The following NAV2 variants were observed in gnomAD, a reference collection of about 807,000 sequenced individuals.
NAV2 encodes helicase, APC down-regulated 1.
Under a neutral mutation model 223.2 loss-of-function variants are expected in NAV2, and 54 were observed. That is an observed-to-expected ratio of 0.24 (90% CI 0.19 to 0.30). NAV2 has a LOEUF of 0.30. Ranked by LOEUF, NAV2 falls within the 10% of genes least tolerant of loss-of-function variation. The pLI is 1.00. For missense variants in NAV2, 2,806 were observed against 3,147.5 expected (o/e 0.89, Z 2.60); for synonymous variants, 1,279 against 1,239.3 (o/e 1.03, Z -0.67).
intron 1 of NAV2, among the ~76,000 whole-genome samples, chr11:19,809,170 AG>A (rs2058731301): frequency 6.6e-6 from 1 of 152,216 alleles, no homozygotes; most frequent in Non-Finnish European, 1.5e-5. Context: ...TGAGTATTCT[AG>A]GAAATTCATG....
chr11:19,809,999 T>C (rs531250889), intron 1 of NAV2, among the ~76,000 whole-genome samples: 5 of 152,310 alleles, frequency 3.3e-5, no homozygotes, highest in Admixed American at 2.6e-4. Flanking sequence ...AGTTACTCTT[T>C]CCCTTTTTTC....
chr11:19,976,815 A>C (rs747917726), intron 10 of NAV2, among the ~76,000 whole-genome samples: 16 of 152,170 alleles, frequency 1.1e-4, no homozygotes, highest in Admixed American at 3.3e-4. Context: ...GCCATTGAAG[A>C]AACTTTGCAG....
intron 1 of NAV2, among the ~76,000 whole-genome samples, chr11:19,620,253 G>T (rs1260537594): frequency 1.3e-5 from 2 of 151,982 alleles, no homozygotes; most frequent in Non-Finnish European, 2.9e-5. Context: ...GCTCTTTTTT[G>T]GTTCCATATG....
chr11:19,714,614 G>A, intron 1 of NAV2: 1 of 375,938 alleles, frequency 2.7e-6, no homozygotes. Context: ...CGGTGGGGGT[G>A]GGGGTGGAGG....
At chr11:19,889,469 G>A (rs2041304437) in intron 5 of NAV2, among the ~76,000 whole-genome samples, 1 of 151,804 alleles carries the variant, frequency 6.6e-6, no homozygotes, top group Admixed American at 6.6e-5. Flanking sequence ...GTGTAGAGGC[G>A]ATAGTGGTCA....
At chr11:19,530,053 G>A (rs533138734) in intron 1 of NAV2, among the ~76,000 whole-genome samples, 7 of 152,232 alleles carry the variant, frequency 4.6e-5, no homozygotes, top group Non-Finnish European at 1.0e-4. Context: ...AAAGCACACT[G>A]GTGGCAGCTG....
chr11:19,938,402 A>T (rs573518507), intron 7 of NAV2, among the ~76,000 whole-genome samples: 28 of 152,318 alleles, frequency 1.8e-4, no homozygotes, highest in African/African-American at 6.5e-4. Flanking sequence ...AGAGGGAGCC[A>T]CGCCTCTTTA....
chr11:20,090,424 G>T (rs1470844241), intron 26 of NAV2, among the ~76,000 whole-genome samples: 1 of 151,856 alleles, frequency 6.6e-6, no homozygotes, highest in Non-Finnish European at 1.5e-5. Flanking sequence ...GATTGCCAGA[G>T]CTCAGCAAAG....
intron 10 of NAV2, among the ~76,000 whole-genome samples, chr11:19,975,557 C>T (rs72916879): frequency 6.6e-6 from 1 of 152,204 alleles, no homozygotes; most frequent in East Asian, 1.9e-4. Context: ...GACACACAAA[C>T]CTTGGTAGCC....
At chr11:19,490,077 C>T (rs1346172212) in intron 1 of NAV2, among the ~76,000 whole-genome samples, 1 of 152,148 alleles carries the variant, frequency 6.6e-6, no homozygotes, top group Non-Finnish European at 1.5e-5. Context: ...CATTATTTCT[C>T]GAAATAATGT....
At chr11:19,368,108 A>G (rs1257204655) in intron 1 of NAV2, among the ~76,000 whole-genome samples, 1 of 152,236 alleles carries the variant, frequency 6.6e-6, no homozygotes, top group East Asian at 1.9e-4. Context: ...GCTTTAAAAT[A>G]TGCAGTAGAA....
At chr11:20,060,237 T>C (rs1238404051) in intron 19 of NAV2, among the ~76,000 whole-genome samples, 1 of 152,252 alleles carries the variant, frequency 6.6e-6, no homozygotes, top group East Asian at 1.9e-4. Context: ...TGTGCTAGTC[T>C]CTGGCAGGCC....
At chr11:19,932,992 T>G (rs986447264) in intron 6 of NAV2, among the ~76,000 whole-genome samples, 184 bp from the exon 7 acceptor site, 1 of 152,174 alleles carries the variant, frequency 6.6e-6, no homozygotes, top group Admixed American at 6.5e-5. Flanking sequence ...CTGTGCAGTA[T>G]GGAAAGCAGG....
At chr11:20,098,174 A>T (rs1055540429) in intron 31 of NAV2, among the ~76,000 whole-genome samples, 1 of 152,124 alleles carries the variant, frequency 6.6e-6, no homozygotes, top group African/African-American at 2.4e-5. Flanking sequence ...CCCACGCATG[A>T]TGCTGCTAGA....
intron 1 of NAV2, among the ~76,000 whole-genome samples, chr11:19,379,809 C>A (rs1041251690): frequency 6.6e-6 from 1 of 152,130 alleles, no homozygotes; most frequent in Non-Finnish European, 1.5e-5. Context: ...GCAGGCAATC[C>A]AGCCACGTAA....
chr11:20,015,920 T>C (rs190757039), intron 11 of NAV2, among the ~76,000 whole-genome samples: 2 of 152,308 alleles, frequency 1.3e-5, no homozygotes, highest in Non-Finnish European at 2.9e-5. Flanking sequence ...CCTGGAGGTG[T>C]TCACTCCTCT....
intron 1 of NAV2, among the ~76,000 whole-genome samples, chr11:19,802,467 T>C (rs529548721): frequency 2.0e-5 from 3 of 152,346 alleles, no homozygotes; most frequent in East Asian, 3.9e-4. Context: ...ACCTGTGATC[T>C]GTGAACTGGC....
chr11:19,818,000 G>A (rs1427143091), intron 1 of NAV2, among the ~76,000 whole-genome samples: 1 of 151,998 alleles, frequency 6.6e-6, no homozygotes, highest in African/African-American at 2.4e-5. Context: ...TGCCCACCCA[G>A]ATAGCCTCTT....
chr11:19,496,800 G>GT (rs1379029548), intron 1 of NAV2, among the ~76,000 whole-genome samples: 2 of 152,114 alleles, frequency 1.3e-5, no homozygotes, highest in Non-Finnish European at 2.9e-5. Context: ...ATTCCAAAAA[G>GT]TTTACAATGT....
Sources: allele counts gnomAD v4.1 joint callset (sites outside exome capture counted in the v4.1 genomes callset), GRCh38; gene constraint gnomAD v4.1.1; transcripts MANE v1.5; gene names NCBI Gene and HGNC (gene_info 2026-07-23, HGNC 2026-07-21).